DYNLT1: variants seen among roughly 807,000 people sequenced by gnomAD.
DYNLT1 encodes T-complex testis-specific protein 1 homolog.
A neutral mutation model predicts 19.6 loss-of-function variants in DYNLT1; 18 were observed. The ratio of observed to expected loss-of-function variants is 0.92; its 90% CI spans 0.64 to 1.36. The LOEUF is 1.36. Ranked by LOEUF, DYNLT1 falls within the 40% of genes most tolerant of loss-of-function variation. The pLI, the probability that DYNLT1 is intolerant of heterozygous loss-of-function variation, is 0.00. For synonymous variants in DYNLT1, 56 were observed against 44.0 expected, an observed-to-expected ratio of 1.27 and a Z score of -1.07; for missense variants, 137 against 139.3, an observed-to-expected ratio of 0.98 and a Z score of 0.08.
chr6:158,643,054 T>C (rs1345144395), intron 1 of DYNLT1, among the ~76,000 whole-genome samples: 1 of 152,150 alleles, frequency 6.6e-6, no homozygotes. Context: ...CCATCCCAGG[T>C]AGAACACTCA....
At chr6:158,637,967 G>T in intron 2 of DYNLT1, 73 bp from the exon 3 acceptor site, 2 of 1,575,416 alleles carry the variant, frequency 1.3e-6, no homozygotes, top group Non-Finnish European at 1.7e-6. Flanking sequence ...AGGAACTGAC[G>T]GCACCCCAAG....
At chr6:158,637,087 T>G in intron 4 of DYNLT1, 41 bp downstream of exon 4, 1 of 1,612,334 alleles carries the variant, frequency 6.2e-7, no homozygotes, top group Non-Finnish European at 8.5e-7. Flanking sequence ...AGTCATATAT[T>G]TCACACAACA....
In DYNLT1 at chr6:158,644,721, G is replaced by T. The variant is rs73016246; in HGVS notation, c.-13C>A. The T allele has an allele frequency of 9.3e-6, 15 of 1,610,878 alleles. No individual in the cohort carries two copies. Among genetic ancestry groups the T allele is most frequent in the African/African-American group, 4.0e-5 (3 of 74,896 alleles). ...GGTAGTCTTCCATCTTTCCTCCGGC[G>T]CGTCCCCTCCGGCTCCCTGAGTGGC... is the stretch of plus-strand genomic sequence containing the variant. On this transcript the variant is annotated 5_prime_UTR_variant, in exon 1 of 5. Coordinates refer to ENST00000367089, the MANE Select transcript of DYNLT1 (RefSeq NM_006519.4).
intron 1 of DYNLT1, among the ~76,000 whole-genome samples, chr6:158,644,339 TGTC>T (rs1787279688): frequency 1.3e-5 from 2 of 151,836 alleles, no homozygotes; most frequent in South Asian, 4.2e-4. Context: ...GGGGCGGTGA[TGTC>T]ATCCTCTCGG....
rs868169771 is a variant in DYNLT1, at chr6:158,637,630, G to A, written c.193+141C>T. On this transcript the variant is annotated intron_variant, in intron 3 of 4. Transcript: ENST00000367089. ...GCCAAATGGTCAAGCGTACGCTAAC[G>A]TATACTACACACACGACCGACTCCC... The A allele has an allele frequency of 6.7e-5, 88 of 1,316,546 alleles. 2 individuals are homozygous for A. The Middle Eastern group carries it at 3.8e-3, about 57-fold the overall frequency. The allele number at this position is 1,316,546 out of a possible 1,614,324, so 81.6% of individuals were successfully genotyped here.
At chr6:158,640,765 T>C (rs945251393) in intron 2 of DYNLT1, among the ~76,000 whole-genome samples, 8 of 152,230 alleles carry the variant, frequency 5.3e-5, no homozygotes, top group African/African-American at 1.9e-4. Flanking sequence ...CTGTTTGATG[T>C]GTCTGCCCTG....
Position 158,636,832 on chromosome 6 carries a change from T to TA in DYNLT1, c.336dup (p.Ile113TyrfsTer24). On this transcript the variant is annotated frameshift_variant, in exon 5 of 5. Transcript: ENST00000367089. LOFTEE classifies it high-confidence loss of function. ...GCCATAGGCTGGACTGCAGGTCAAA[T>TA]AGACAGTCCGAAGGCACTGACGATG... The TA allele has an allele frequency of 6.2e-7, 1 of 1,610,942 alleles. No homozygotes were observed. Among genetic ancestry groups the TA allele is most frequent in the Non-Finnish European group, 8.5e-7 (1 of 1,178,674 alleles).
At chr6:158,642,157 AT>A (rs1235662327) in intron 1 of DYNLT1, 1 of 152,142 alleles carries the variant, frequency 6.6e-6, no homozygotes, top group East Asian at 1.9e-4. Context: ...CCAGGTAATT[AT>A]TTTTCTTTCC....
At chr6:158,637,648 C>T (rs142998841) in intron 3 of DYNLT1, 123 bp downstream of exon 3, 24 of 1,488,810 alleles carry the variant, frequency 1.6e-5, no homozygotes, top group South Asian at 1.4e-4. Flanking sequence ...CACACACGAC[C>T]GACTCCCACC....
chr6:158,638,114 G>A (rs1238987329), intron 2 of DYNLT1, among the ~76,000 whole-genome samples: 1 of 152,070 alleles, frequency 6.6e-6, no homozygotes, highest in East Asian at 1.9e-4. Flanking sequence ...TACACATTTT[G>A]ACCTAATAAT....
Position 158,644,723 on chromosome 6 carries a change from G to A in DYNLT1, c.-15C>T, listed in dbSNP as rs1476599211. On this transcript the variant is annotated 5_prime_UTR_variant, in exon 1 of 5. In the 5' UTR this introduces an upstream ATG that the reference lacks. Transcript: ENST00000367089. The stretch of plus-strand genomic sequence containing the variant: ...TAGTCTTCCATCTTTCCTCCGGCGC[G>A]TCCCCTCCGGCTCCCTGAGTGGCGC... The A allele has an allele frequency of 8.1e-6, 13 of 1,610,636 alleles. No homozygotes were observed. The highest frequency in any genetic ancestry group is 1.3e-5 in the African/African-American group (1 of 74,900).
intron 2 of DYNLT1, among the ~76,000 whole-genome samples, chr6:158,638,991 A>G (rs1787080823): frequency 6.6e-6 from 1 of 152,110 alleles, no homozygotes. Context: ...CAGGAACCTG[A>G]GTTTCTATGA....
At chr6:158,637,255 T>TG (rs1166634411) in intron 3 of DYNLT1, 50 bp from the exon 4 acceptor site, 1 of 1,537,402 alleles carries the variant, frequency 6.5e-7, no homozygotes, top group East Asian at 2.3e-5. Flanking sequence ...GTAACACAAA[T>TG]GTCATTCTGT....
chr6:158,636,659 C>A lies in DYNLT1; in HGVS notation c.*168G>T. On this transcript the variant is annotated 3_prime_UTR_variant, in exon 5 of 5. Transcript: ENST00000367089. ...GCAGGTGACCTACAGGGATACTCAT[C>A]TGACTTCGGTGCCATTCACATCACA... The A allele has an allele frequency of 1.5e-6, 1 of 676,968 alleles. No homozygotes were observed. 41.9% of individuals were successfully genotyped at this position (676,968 alleles called of 1,614,324 possible). A position where few individuals can be genotyped will look rare whatever the true frequency, so the allele number is the denominator to read the frequency against.
intron 1 of DYNLT1, among the ~76,000 whole-genome samples, chr6:158,642,978 G>A (rs1787171185): frequency 6.6e-6 from 1 of 152,140 alleles, no homozygotes; most frequent in Non-Finnish European, 1.5e-5. Flanking sequence ...ACCAGAACGG[G>A]CCATTCAGTA....
chr6:158,640,213 C>G (rs1356191600), intron 2 of DYNLT1, among the ~76,000 whole-genome samples: 1 of 152,170 alleles, frequency 6.6e-6, no homozygotes, highest in African/African-American at 2.4e-5. Context: ...CAGAAAGTCA[C>G]TCCTGATGCT....
intron 2 of DYNLT1, among the ~76,000 whole-genome samples, chr6:158,639,381 A>AG (rs1405264658): frequency 2.6e-5 from 4 of 152,020 alleles, no homozygotes; most frequent in East Asian, 1.9e-4. Context: ...GTCAAAGGGT[A>AG]GGGGGGGCTT....
chr6:158,637,367 T>G (rs946228691), intron 3 of DYNLT1, 162 bp from the exon 4 acceptor site: 3 of 658,066 alleles, frequency 4.6e-6, no homozygotes, highest in Non-Finnish European at 8.0e-6. Context: ...TGACAAATTA[T>G]AGGTGCTCCT....
intron 1 of DYNLT1, among the ~76,000 whole-genome samples, chr6:158,643,277 C>CT (rs1370729759): frequency 3.9e-5 from 6 of 152,102 alleles, no homozygotes; most frequent in Non-Finnish European, 7.4e-5. Flanking sequence ...AGGGGAAAGG[C>CT]TTTTTTCTTT....
Sources: allele counts gnomAD v4.1 joint callset (sites outside exome capture counted in the v4.1 genomes callset), GRCh38; gene constraint gnomAD v4.1.1; transcripts MANE v1.5; gene names NCBI Gene and HGNC (gene_info 2026-07-23, HGNC 2026-07-21).